Variants in FAM110B observed in about 807,000 individuals in gnomAD.
FAM110B encodes the protein protein FAM110B.
Under a neutral mutation model 20.4 loss-of-function variants are expected in FAM110B, and 6 were observed. The observed-to-expected ratio is 0.29, with a 90% CI of 0.16 to 0.58. FAM110B has a LOEUF of 0.58. Ranked by LOEUF, FAM110B falls within the 20% of genes least tolerant of loss-of-function variation. The pLI, the probability that FAM110B is intolerant of heterozygous loss-of-function variation, is 0.90. For synonymous variants in FAM110B, 226 were observed against 214.1 expected (o/e 1.06, Z -0.49); for missense variants, 434 against 498.2 (o/e 0.87, Z 1.23).
intron 1 of FAM110B, among the ~76,000 whole-genome samples, chr8:57,999,207 A>T (rs1804246205): frequency 6.6e-6 from 1 of 152,200 alleles, no homozygotes; most frequent in African/African-American, 2.4e-5. Context: ...CTTTAGAGAG[A>T]AGTTCAAAAA....
chr8:58,086,597 G>T (rs920508459), intron 3 of FAM110B, among the ~76,000 whole-genome samples: 1 of 152,226 alleles, frequency 6.6e-6, no homozygotes, highest in Non-Finnish European at 1.5e-5. Flanking sequence ...GGCACTTAAC[G>T]TTACGCATAA....
intron 3 of FAM110B, among the ~76,000 whole-genome samples, chr8:58,076,427 G>T (rs1213800285): frequency 6.6e-6 from 1 of 152,194 alleles, no homozygotes; most frequent in African/African-American, 2.4e-5. Flanking sequence ...CTGAGGAGGT[G>T]GAGCATCTTT....
chr8:58,029,752 A>G (rs1804930104), intron 1 of FAM110B, among the ~76,000 whole-genome samples: 1 of 152,136 alleles, frequency 6.6e-6, no homozygotes, highest in East Asian at 1.9e-4. Context: ...ACTGGAGCAG[A>G]TGACCGTATG....
intron 3 of FAM110B, among the ~76,000 whole-genome samples, chr8:58,128,708 T>C (rs996076266): frequency 4.6e-5 from 7 of 152,220 alleles, no homozygotes; most frequent in African/African-American, 1.7e-4. Flanking sequence ...TTTTCTGAGG[T>C]ATCAGAGGAA....
chr8:58,090,622 ATT>A (rs1200429965), intron 3 of FAM110B, among the ~76,000 whole-genome samples: 1 of 152,122 alleles, frequency 6.6e-6, no homozygotes, highest in Non-Finnish European at 1.5e-5. Flanking sequence ...TTCTACTCAG[ATT>A]TTCAACTGCA....
chr8:58,005,256 G>A (rs542234767), intron 1 of FAM110B, among the ~76,000 whole-genome samples: 1 of 152,264 alleles, frequency 6.6e-6, no homozygotes, highest in African/African-American at 2.4e-5. Context: ...GGCAGGGGCG[G>A]GGAGCAGTCA....
Position 58,100,699 on chromosome 8 carries a change from T to C in FAM110B, c.-325+25076T>C, listed in dbSNP as rs187791254. Among the ~76,000 whole-genome samples the C allele has an allele frequency of 4.6e-3, 705 of 152,346 alleles. 7 individuals carry two copies. Among genetic ancestry groups the C allele is most frequent in the South Asian group, 0.024 (114 of 4,826 alleles). ...CCTTTTTATAAGGACACCAGTCTTA[T>C]TGGATGAGGGGCCCAGCCTACTCCA... On this transcript the variant is annotated intron_variant, in intron 3 of 3. Coordinates refer to ENST00000519262, the MANE Select transcript of FAM110B (RefSeq NM_001377989.1).
chr8:58,050,862 C>T lies in FAM110B; in HGVS notation c.-414+19159C>T, dbSNP rs1010433370. ...ACACCAGGGGGTGGGAAATCCTGGCCCCTCTTTGAATTCCGCCTCCATGGA... is the reference window on the plus strand; with the variant it reads ...ACACCAGGGGGTGGGAAATCCTGGCTCCTCTTTGAATTCCGCCTCCATGGA... On this transcript the variant is annotated intron_variant, in intron 2 of 3. Coordinates refer to ENST00000519262, the MANE Select transcript of FAM110B (RefSeq NM_001377989.1). 7.2e-5 allele frequency among the ~76,000 whole-genome samples: 11 copies of T among 152,232 alleles called. No homozygotes were observed. The East Asian group carries it at 9.7e-4, about 13-fold the overall frequency.
intron 3 of FAM110B, among the ~76,000 whole-genome samples, chr8:58,083,142 A>G (rs922149024): frequency 6.6e-6 from 1 of 152,220 alleles, no homozygotes; most frequent in African/African-American, 2.4e-5. Context: ...AAGCTCTGAC[A>G]GCAACATCTT....
At chr8:58,055,555 TCTTA>T (rs1443298221) in intron 2 of FAM110B, among the ~76,000 whole-genome samples, 2 of 152,230 alleles carry the variant, frequency 1.3e-5, no homozygotes, top group Non-Finnish European at 2.9e-5. Flanking sequence ...TCTCTGCTCC[TCTTA>T]CTGTTTTGTA....
chr8:58,021,370 TA>T (rs1804749768), intron 1 of FAM110B, among the ~76,000 whole-genome samples: 1 of 152,088 alleles, frequency 6.6e-6, no homozygotes, highest in Admixed American at 6.6e-5. Flanking sequence ...AATAAATAAA[TA>T]AAACCAAGCA....
intron 1 of FAM110B, among the ~76,000 whole-genome samples, chr8:58,008,385 G>A (rs144026699): frequency 0.042 from 6,371 of 152,002 alleles, 227 homozygotes; most frequent in Non-Finnish European, 0.052. Flanking sequence ...CACCCTCCTC[G>A]GCCTCTCAAA....
intron 2 of FAM110B, among the ~76,000 whole-genome samples, chr8:58,057,463 G>T (rs1805570431): frequency 6.6e-6 from 1 of 152,174 alleles, no homozygotes; most frequent in South Asian, 2.1e-4. Context: ...TTTTCCTAAA[G>T]AATATGGCTT....
At chr8:58,086,755 G>A (rs780888532) in intron 3 of FAM110B, among the ~76,000 whole-genome samples, 7 of 152,214 alleles carry the variant, frequency 4.6e-5, no homozygotes, top group Non-Finnish European at 1.0e-4. Context: ...GTGATGGATG[G>A]TGATGCTTTA....
Position 58,034,829 on chromosome 8 carries a change from TGA to T in FAM110B, c.-414+3130_-414+3131del, listed in dbSNP as rs538989380. Among the ~76,000 whole-genome samples, 485 of 152,352 alleles carry T rather than the reference TGA, an allele frequency of 3.2e-3. 5 individuals carry two copies. The highest frequency in any genetic ancestry group is 0.011 in the African/African-American group (465 of 41,586). On this transcript the variant is annotated intron_variant, in intron 2 of 3. Coordinates refer to ENST00000519262, the MANE Select transcript of FAM110B (RefSeq NM_001377989.1). ...GGGCGCATAGTGCATACTCTGTAACTGAGAGCCCTCCGTGATAATGGTAAAGT... is the reference window on the plus strand; with the variant it reads ...GGGCGCATAGTGCATACTCTGTAACTGAGCCCTCCGTGATAATGGTAAAGT...
intron 3 of FAM110B, among the ~76,000 whole-genome samples, chr8:58,083,335 A>T (rs2150598554): frequency 6.6e-6 from 1 of 152,364 alleles, no homozygotes; most frequent in East Asian, 1.9e-4. Context: ...TATGGTGCAG[A>T]ATGGTAAGAA....
chr8:57,998,680 G>C (rs927077832), intron 1 of FAM110B, among the ~76,000 whole-genome samples: 2 of 152,182 alleles, frequency 1.3e-5, no homozygotes, highest in African/African-American at 4.8e-5. Flanking sequence ...GACTTTGAAA[G>C]GATAAGTTAT....
At chr8:58,014,742 A>G (rs1009697529) in intron 1 of FAM110B, among the ~76,000 whole-genome samples, 2 of 151,602 alleles carry the variant, frequency 1.3e-5, no homozygotes, top group East Asian at 1.9e-4. Flanking sequence ...TTTAAAATGC[A>G]AGTTCAATTA....
At chr8:58,142,524 C>T (rs1366837979) in intron 3 of FAM110B, among the ~76,000 whole-genome samples, 2 of 152,090 alleles carry the variant, frequency 1.3e-5, no homozygotes, top group African/African-American at 2.4e-5. Flanking sequence ...AACCAGGACT[C>T]CCCCACAGAT....
Sources: allele counts gnomAD v4.1 joint callset (sites outside exome capture counted in the v4.1 genomes callset), GRCh38; gene constraint gnomAD v4.1.1; transcripts MANE v1.5; gene names NCBI Gene and HGNC (gene_info 2026-07-23, HGNC 2026-07-21).